The following PCDHA9 variants were observed in gnomAD, a reference collection of about 807,000 sequenced individuals.
The protein encoded by PCDHA9 is protocadherin alpha-9.
PCDHA9 carries 62 observed loss-of-function variants against 62.0 expected under a neutral mutation model. The ratio of observed to expected loss-of-function variants is 1.00; its 90% CI spans 0.81 to 1.23. PCDHA9 has a LOEUF of 1.23. Ranked by LOEUF, PCDHA9 falls within the 50% of genes most tolerant of loss-of-function variation. The probability of loss-of-function intolerance (pLI) is 0.00; values close to 1 mark genes in which losing one functional copy is unlikely to be tolerated. For missense variants in PCDHA9, 1,205 were observed against 1,249.8 expected, an observed-to-expected ratio of 0.96 and a Z score of 0.54; for synonymous variants, 557 against 567.6, an observed-to-expected ratio of 0.98 and a Z score of 0.27.
intron 3 of PCDHA9, among the ~76,000 whole-genome samples, chr5:140,988,517 T>C (rs184897922): frequency 3.0e-3 from 461 of 152,278 alleles, no homozygotes; most frequent in Middle Eastern, 0.014. Context: ...CTTACTTAAG[T>C]CTCTGCTGGC....
At chr5:140,884,318 G>A (rs1345534362) in intron 1 of PCDHA9, 1 of 1,613,692 alleles carries the variant, frequency 6.2e-7, no homozygotes, top group Non-Finnish European at 8.5e-7. Flanking sequence ...GAGGGCGTCG[G>A]CAGGCGCTGT....
chr5:140,881,220 G>A (rs1437715335), intron 1 of PCDHA9: 1 of 247,310 alleles, frequency 4.0e-6, no homozygotes, highest in Non-Finnish European at 6.5e-6. Context: ...TTGTTTCTTG[G>A]AAAATTAAAG....
rs1159995588 is a variant in PCDHA9, at chr5:140,947,341, A to G, written c.2395-31608A>G. ...GGTTGACCATAAATGTGTGGGCTTA[A>G]TTCTGGACTCTATTTCACTCCTTTG... is the stretch of plus-strand genomic sequence containing the variant. On this transcript the variant is annotated intron_variant, in intron 1 of 3. Transcript: ENST00000532602. Among the ~76,000 whole-genome samples the G allele has an allele frequency of 2.6e-5, 4 of 151,804 alleles. No individual in the cohort carries two copies. The South Asian group carries it at 6.2e-4, about 24-fold the overall frequency.
intron 1 of PCDHA9, chr5:140,862,685 C>A (rs782248340): frequency 7.2e-6 from 4 of 552,774 alleles, no homozygotes; most frequent in Non-Finnish European, 1.4e-5. Context: ...GTGCTGGTGT[C>A]CTACTCGTTG....
intron 1 of PCDHA9, among the ~76,000 whole-genome samples, chr5:140,970,888 A>G (rs1452967166): frequency 6.6e-6 from 1 of 152,154 alleles, no homozygotes; most frequent in Non-Finnish European, 1.5e-5. Flanking sequence ...TTTCTCATGG[A>G]CATTTCAGAT....
Position 140,871,493 on chromosome 5 carries a change from A to G in PCDHA9, c.2394+20604A>G, listed in dbSNP as rs968230550. 7 of 1,589,034 alleles carry G rather than the reference A, an allele frequency of 4.4e-6. No homozygotes were observed. Among genetic ancestry groups the G allele is most frequent in the Non-Finnish European group, 6.0e-6 (7 of 1,166,200 alleles). Reference sequence around the variant, plus strand: ...GAGCCAGGGTCAAATCACCCCGGACAGGTGAGTTTTCTACAGATTCCACCT... The same window carrying G: ...GAGCCAGGGTCAAATCACCCCGGACGGGTGAGTTTTCTACAGATTCCACCT... On this transcript the variant is annotated intron_variant, in intron 1 of 3. Coordinates refer to ENST00000532602, the MANE Select transcript of PCDHA9 (RefSeq NM_031857.2).
chr5:140,876,020 A>G, intron 1 of PCDHA9: 2 of 1,613,802 alleles, frequency 1.2e-6, no homozygotes, highest in South Asian at 1.1e-5. Flanking sequence ...CTTAAAATAA[A>G]AACAAAAAAA....
At chr5:140,883,945 C>T in intron 1 of PCDHA9, 1 of 1,613,378 alleles carries the variant, frequency 6.2e-7, no homozygotes, top group Non-Finnish European at 8.5e-7. Context: ...TGGACGAGAA[C>T]GACAACGCTC....
At chr5:140,889,156 G>T in intron 1 of PCDHA9, among the ~76,000 whole-genome samples, 1 of 150,034 alleles carries the variant, frequency 6.7e-6, no homozygotes, top group Admixed American at 6.6e-5. Flanking sequence ...TTTCTTCTTT[G>T]TTAAGTATTC....
chr5:140,861,197 T>C (rs1203877900), intron 1 of PCDHA9: 1 of 162,270 alleles, frequency 6.2e-6, no homozygotes, highest in Non-Finnish European at 1.3e-5. Context: ...CATGAAATAT[T>C]GTTTTACTAA....
At chr5:140,875,292 T>A in intron 1 of PCDHA9, 1 of 1,401,900 alleles carries the variant, frequency 7.1e-7, no homozygotes, top group Non-Finnish European at 9.3e-7. Flanking sequence ...ACAGGAAAAT[T>A]TTTTTCTCCG....
rs2150498276 is a variant in PCDHA9, at chr5:140,850,785, A to C, written c.2290A>C (p.Lys764Gln). The C allele has an allele frequency of 0.62, 994,993 of 1,596,634 alleles. 342,814 individuals carry two copies. Among genetic ancestry groups the C allele is most frequent in the African/African-American group, 0.72 (53,321 of 73,960 alleles). ...RRQRVCSGEG[K>Q]QKTDLMAFSP... Reference sequence around the variant, plus strand: ...GCAGAGGGTGTGCTCTGGCGAGGGTAAGCAGAAGACCGACCTCATGGCCTT... The same window carrying C: ...GCAGAGGGTGTGCTCTGGCGAGGGTCAGCAGAAGACCGACCTCATGGCCTT... The change falls in exon 1 of 4, where the codon AAG becomes CAG. Residue 764 changes from lysine (K) to glutamine (Q), a missense_variant. Coordinates refer to ENST00000532602, the MANE Select transcript of PCDHA9 (RefSeq NM_031857.2).
chr5:140,885,469 C>T (rs1338782835), intron 1 of PCDHA9, among the ~76,000 whole-genome samples: 1 of 152,156 alleles, frequency 6.6e-6, no homozygotes, highest in Admixed American at 6.5e-5. Flanking sequence ...GATGGGCAAT[C>T]ACTTTGTGTC....
intron 1 of PCDHA9, chr5:140,877,800 T>C (rs2057344527): frequency 6.2e-7 from 1 of 1,613,404 alleles, no homozygotes; most frequent in Non-Finnish European, 8.5e-7. Context: ...GCCCAAGCCT[T>C]CAGCTGTCTC....
intron 1 of PCDHA9, chr5:140,883,523 T>A: frequency 6.2e-7 from 1 of 1,614,226 alleles, no homozygotes; most frequent in Non-Finnish European, 8.5e-7. Flanking sequence ...CGAGAGCGTA[T>A]CAGCCTATGA....
At chr5:140,984,631 T>C (rs1400847452) in intron 3 of PCDHA9, among the ~76,000 whole-genome samples, 1 of 152,192 alleles carries the variant, frequency 6.6e-6, no homozygotes, top group Non-Finnish European at 1.5e-5. Flanking sequence ...TTAAAGGGAT[T>C]CTCTGCCTTC....
chr5:140,953,295 C>T (rs74485628), intron 1 of PCDHA9, among the ~76,000 whole-genome samples: 3,568 of 152,144 alleles, frequency 0.023, 49 homozygotes, highest in Middle Eastern at 0.034. Flanking sequence ...GATTCAGGGA[C>T]GGCAGAGATG....
chr5:140,890,128 G>T (rs1402157838), intron 1 of PCDHA9, among the ~76,000 whole-genome samples: 2 of 152,156 alleles, frequency 1.3e-5, no homozygotes, highest in East Asian at 3.9e-4. Context: ...CACTTTGGTA[G>T]CTTGAAATTG....
intron 1 of PCDHA9, among the ~76,000 whole-genome samples, chr5:140,893,394 T>TAA (rs2063972728): frequency 6.6e-6 from 1 of 152,198 alleles, no homozygotes; most frequent in South Asian, 2.1e-4. Flanking sequence ...GGCTCATGCC[T>TAA]GTAATCCCAG....
Sources: gnomAD v4.1 joint callset for allele counts (sites outside exome capture counted in the v4.1 genomes callset) on GRCh38, gnomAD v4.1.1 for gene constraint, MANE v1.5 for transcripts, NCBI Gene and HGNC (gene_info 2026-07-23, HGNC 2026-07-21) for gene names.